Variants in PPFIA2 observed in about 807,000 individuals in gnomAD.
PPFIA2 encodes the protein liprin-alpha-2.
In PPFIA2, 46 loss-of-function variants were observed where a neutral mutation model predicts 175.5. The observed-to-expected ratio is 0.26, with a 90% CI of 0.21 to 0.34. The LOEUF is 0.34. Among genes scored for constraint, PPFIA2 ranks in the 10% least tolerant of loss-of-function variants. The pLI is 1.00. For missense variants in PPFIA2, 1,179 were observed against 1,506.1 expected, an observed-to-expected ratio of 0.78 and a Z score of 3.60; for synonymous variants, 568 against 511.4, an observed-to-expected ratio of 1.11 and a Z score of -1.49.
chr12:81,289,641 G>C (rs34976662), intron 24 of PPFIA2, among the ~76,000 whole-genome samples: 51,246 of 151,482 alleles, frequency 0.34, 9,242 homozygotes, highest in East Asian at 0.64. Flanking sequence ...TCTTGAAGTC[G>C]TCACTTTAAA....
At chr12:81,689,183 G>A (rs1019523826) in intron 3 of PPFIA2, among the ~76,000 whole-genome samples, 8 of 151,766 alleles carry the variant, frequency 5.3e-5, no homozygotes, top group African/African-American at 1.9e-4. Flanking sequence ...TTTGTGAAAG[G>A]AAGTCTAATT....
At chr12:81,455,809 T>C (rs988951249) in intron 5 of PPFIA2, among the ~76,000 whole-genome samples, 1 of 152,210 alleles carries the variant, frequency 6.6e-6, no homozygotes, top group African/African-American at 2.4e-5. Context: ...GGATTTAGAC[T>C]GCCTTACCTT....
At chr12:81,349,766 GTTTAA>G (rs1419881551) in intron 17 of PPFIA2, among the ~76,000 whole-genome samples, 1 of 152,114 alleles carries the variant, frequency 6.6e-6, no homozygotes, top group Non-Finnish European at 1.5e-5. Flanking sequence ...GTATATTGAA[GTTTAA>G]TTTAACAGAC....
intron 26 of PPFIA2, 83 bp downstream of exon 26, chr12:81,282,927 T>C: frequency 8.0e-7 from 1 of 1,244,952 alleles, no homozygotes; most frequent in South Asian, 1.3e-5. Flanking sequence ...TTTACAATAT[T>C]ATGACTTATG....
chr12:81,294,857 G>A lies in PPFIA2; in HGVS notation c.2903C>T (p.Ser968Leu). ...IQEMVSLTSP[S>L]APPTSRTPSG... The stretch of plus-strand genomic sequence containing the variant: ...CACAGTTCGAGATGTTGGAGGAGCT[G>A]AAGGACTTGTTAGGGAAACCATCTC... The change falls in exon 24 of 33, where the codon TCA (serine) becomes TTA (leucine). Residue 968 changes from serine to leucine, a missense_variant. Transcript: ENST00000549396. 1.2e-6 allele frequency: 2 copies of A among 1,613,212 alleles called. No individual in the cohort carries two copies. Among genetic ancestry groups the A allele is most frequent in the Non-Finnish European group, 1.7e-6 (2 of 1,179,566 alleles).
intron 4 of PPFIA2, among the ~76,000 whole-genome samples, chr12:81,592,794 C>T (rs2058817753): frequency 6.6e-6 from 1 of 151,922 alleles, no homozygotes; most frequent in African/African-American, 2.4e-5. Flanking sequence ...ATCACTCTGT[C>T]ACCCAGGTTG....
chr12:81,509,676 A>T (rs191729528), intron 4 of PPFIA2, among the ~76,000 whole-genome samples: 2 of 151,828 alleles, frequency 1.3e-5, no homozygotes, highest in East Asian at 3.9e-4. Context: ...CCCCATCTCA[A>T]AGTTGTGGAT....
intron 9 of PPFIA2, among the ~76,000 whole-genome samples, chr12:81,380,839 T>C (rs545425037): frequency 6.6e-6 from 1 of 152,116 alleles, no homozygotes; most frequent in Non-Finnish European, 1.5e-5. Flanking sequence ...TTTGAGACTT[T>C]CCATGTAATA....
chr12:81,459,454 TA>T (rs2054148785), intron 4 of PPFIA2, among the ~76,000 whole-genome samples: 1 of 152,160 alleles, frequency 6.6e-6, no homozygotes, highest in Non-Finnish European at 1.5e-5. Context: ...AACATCTGTA[TA>T]TTTATCATAC....
At chr12:81,416,380 A>G (rs1212247805) in intron 7 of PPFIA2, among the ~76,000 whole-genome samples, 1 of 151,602 alleles carries the variant, frequency 6.6e-6, no homozygotes, top group African/African-American at 2.4e-5. Flanking sequence ...AGTACTGAGA[A>G]GTGCCCTACC....
Position 81,623,504 on chromosome 12 carries a change from C to T in PPFIA2, c.303+53287G>A, listed in dbSNP as rs777184979. On this transcript the variant is annotated intron_variant, in intron 4 of 32. Coordinates refer to ENST00000549396, the MANE Select transcript of PPFIA2 (RefSeq NM_003625.5). ...ATTTGTATAAGACTGAAAGATGTAT[C>T]ACTAGTTTACAAATATAAGCAGTTA... Among the ~76,000 whole-genome samples, 4 of 151,956 alleles carry T rather than the reference C, an allele frequency of 2.6e-5. No homozygotes were observed. The South Asian group carries it at 6.2e-4, about 24-fold the overall frequency.
chr12:81,601,558 G>T (rs967414693), intron 4 of PPFIA2, among the ~76,000 whole-genome samples: 1 of 151,378 alleles, frequency 6.6e-6, no homozygotes, highest in Admixed American at 6.6e-5. Flanking sequence ...CTGCCTAAAG[G>T]AAATAATAAG....
intron 3 of PPFIA2, among the ~76,000 whole-genome samples, chr12:81,726,904 T>C (rs2080160240): frequency 6.6e-6 from 1 of 151,298 alleles, no homozygotes; most frequent in Non-Finnish European, 1.5e-5. Flanking sequence ...TTGCTCTTTT[T>C]AGTTCCTACT....
At chr12:81,278,642 G>T (rs2041240074) in intron 27 of PPFIA2, among the ~76,000 whole-genome samples, 9 of 152,132 alleles carry the variant, frequency 5.9e-5, no homozygotes, top group Admixed American at 5.9e-4. Context: ...TCAATTCAGG[G>T]TTCAGTTCTG....
intron 4 of PPFIA2, among the ~76,000 whole-genome samples, chr12:81,535,665 T>C (rs1292169941): frequency 6.6e-6 from 1 of 150,964 alleles, no homozygotes; most frequent in Admixed American, 6.6e-5. Flanking sequence ...ACAAAACTAG[T>C]GAGAGTGTTT....
intron 24 of PPFIA2, among the ~76,000 whole-genome samples, chr12:81,293,135 A>G (rs571973197): frequency 1.4e-4 from 22 of 152,178 alleles, no homozygotes; most frequent in Non-Finnish European, 2.5e-4. Context: ...ACCTATTGCT[A>G]AAATTTATCT....
intron 24 of PPFIA2, among the ~76,000 whole-genome samples, chr12:81,292,132 T>C (rs1036055279): frequency 4.6e-5 from 7 of 152,106 alleles, no homozygotes; most frequent in Admixed American, 2.6e-4. Context: ...ATTTTTCATC[T>C]GGAAGTTGGG....
At chr12:81,398,812 T>G (rs572704426) in intron 8 of PPFIA2, among the ~76,000 whole-genome samples, 1 of 152,088 alleles carries the variant, frequency 6.6e-6, no homozygotes, top group Non-Finnish European at 1.5e-5. Flanking sequence ...GTAAAGAGCG[T>G]CTCTGGAAAC....
At chr12:81,522,309 T>C (rs1387103907) in intron 4 of PPFIA2, among the ~76,000 whole-genome samples, 1 of 152,200 alleles carries the variant, frequency 6.6e-6, no homozygotes, top group Non-Finnish European at 1.5e-5. Flanking sequence ...ATTAACCATC[T>C]ACTGTGGATT....
Sources: gnomAD v4.1 joint callset for allele counts (sites outside exome capture counted in the v4.1 genomes callset) on GRCh38, gnomAD v4.1.1 for gene constraint, MANE v1.5 for transcripts, NCBI Gene and HGNC (gene_info 2026-07-23, HGNC 2026-07-21) for gene names.